The following MAPKAP1 variants were observed in gnomAD, a reference collection of about 807,000 sequenced individuals.
The protein encoded by MAPKAP1 is target of rapamycin complex 2 subunit MAPKAP1.
Under a neutral mutation model 65.7 loss-of-function variants are expected in MAPKAP1, and 20 were observed. The observed-to-expected ratio is 0.30, with a 90% CI of 0.21 to 0.44. MAPKAP1 has a LOEUF of 0.44. MAPKAP1 is among the 20% of genes least tolerant of loss of function. MAPKAP1 has a pLI of 1.00. For missense variants in MAPKAP1, 423 were observed against 648.0 expected, an observed-to-expected ratio of 0.65 and a Z score of 3.77; for synonymous variants, 222 against 244.3, an observed-to-expected ratio of 0.91 and a Z score of 0.85.
chr9:125,609,569 A>G (rs545161116), intron 4 of MAPKAP1, among the ~76,000 whole-genome samples: 1 of 151,866 alleles, frequency 6.6e-6, no homozygotes, highest in East Asian at 1.9e-4. Flanking sequence ...TTGGTCTTGA[A>G]CTCCCGAGCT....
chr9:125,616,363 A>T (rs1226491243), intron 4 of MAPKAP1, among the ~76,000 whole-genome samples: 1 of 152,210 alleles, frequency 6.6e-6, no homozygotes, highest in Non-Finnish European at 1.5e-5. Context: ...AATTCAATAC[A>T]TTAAAAACAA....
chr9:125,681,944 A>G (rs377133843), intron 1 of MAPKAP1, among the ~76,000 whole-genome samples: 3 of 152,242 alleles, frequency 2.0e-5, no homozygotes, highest in East Asian at 1.9e-4. Flanking sequence ...ATTTTTTTGT[A>G]GAGACAAGAG....
chr9:125,484,933 A>C (rs1854447236), intron 8 of MAPKAP1, among the ~76,000 whole-genome samples: 1 of 152,022 alleles, frequency 6.6e-6, no homozygotes, highest in African/African-American at 2.4e-5. Context: ...TTTTTTTCTA[A>C]ATGTGATTTT....
intron 9 of MAPKAP1, among the ~76,000 whole-genome samples, chr9:125,476,696 C>T (rs1291994081): frequency 1.3e-5 from 2 of 152,172 alleles, no homozygotes; most frequent in East Asian, 1.9e-4. Flanking sequence ...CTTAAGTTTG[C>T]ATGTTGTATA....
At position 125,585,432 on chromosome 9, in the gene MAPKAP1, A is replaced by G. The variant is rs1831751313; in HGVS notation, c.671+123T>C. ...GGCGCGAGACCTGGTGAGCACCCAG[A>G]GCTGGATCAGTGCAGAAGTGTGGTT... On this transcript the variant is annotated intron_variant, in intron 5 of 11. Coordinates refer to ENST00000265960, the MANE Select transcript of MAPKAP1 (RefSeq NM_001006617.3). 3.0e-6 allele frequency: 3 copies of G among 1,003,598 alleles called. No individual in the cohort carries two copies. In the Admixed American group the frequency reaches 6.8e-5, roughly 23 times the overall value. The allele number at this position is 1,003,598 out of a possible 1,614,324, so 62.2% of individuals were successfully genotyped here.
At chr9:125,445,437 T>G (rs906392147) in intron 10 of MAPKAP1, among the ~76,000 whole-genome samples, 11 of 152,230 alleles carry the variant, frequency 7.2e-5, no homozygotes, top group African/African-American at 2.4e-4. Flanking sequence ...ATGGGAAAGA[T>G]TTGCTGATCC....
At chr9:125,658,043 T>TA (rs1834082244) in intron 3 of MAPKAP1, among the ~76,000 whole-genome samples, 1 of 152,084 alleles carries the variant, frequency 6.6e-6, no homozygotes, top group Non-Finnish European at 1.5e-5. Flanking sequence ...TCAGACAAAG[T>TA]AACAAAGGAG....
At chr9:125,675,734 T>C (rs1268591850) in intron 1 of MAPKAP1, among the ~76,000 whole-genome samples, 1 of 152,180 alleles carries the variant, frequency 6.6e-6, no homozygotes, top group African/African-American at 2.4e-5. Context: ...ACAAAGGCTG[T>C]TATACATGGC....
chr9:125,663,381 C>T (rs1486662166), intron 3 of MAPKAP1, among the ~76,000 whole-genome samples: 1 of 152,184 alleles, frequency 6.6e-6, no homozygotes, highest in African/African-American at 2.4e-5. Flanking sequence ...TCCTTTAGAT[C>T]TCTACTCAAA....
chr9:125,630,235 C>G (rs1833240827), intron 4 of MAPKAP1, among the ~76,000 whole-genome samples: 1 of 152,212 alleles, frequency 6.6e-6, no homozygotes, highest in African/African-American at 2.4e-5. Context: ...AACCGATCCT[C>G]CTGCCTCAGC....
At chr9:125,609,851 C>T (rs1832548677) in intron 4 of MAPKAP1, among the ~76,000 whole-genome samples, 1 of 152,194 alleles carries the variant, frequency 6.6e-6, no homozygotes, top group Non-Finnish European at 1.5e-5. Flanking sequence ...AAATGGCTAC[C>T]ATTTACTCTG....
intron 1 of MAPKAP1, among the ~76,000 whole-genome samples, chr9:125,691,772 A>G (rs1835178005): frequency 6.6e-6 from 1 of 152,182 alleles, no homozygotes; most frequent in Non-Finnish European, 1.5e-5. Context: ...TACTTTCTTC[A>G]CTTTCCCCTC....
At chr9:125,458,781 C>T (rs1158073411) in intron 10 of MAPKAP1, among the ~76,000 whole-genome samples, 1 of 147,824 alleles carries the variant, frequency 6.8e-6, no homozygotes, top group Non-Finnish European at 1.5e-5. Context: ...CTTCACATCC[C>T]AGAAGGGGCG....
At position 125,483,012 on chromosome 9, in the gene MAPKAP1, C is replaced by A. The variant is rs567320492; in HGVS notation, c.1207+1431G>T. Among the ~76,000 whole-genome samples the A allele has an allele frequency of 3.3e-5, 5 of 152,282 alleles. No individual in the cohort carries two copies. In the South Asian group the frequency reaches 1.0e-3, roughly 32 times the overall value. On this transcript the variant is annotated intron_variant, in intron 9 of 11. Transcript: ENST00000265960. Reference sequence around the variant, plus strand: ...TCTGCATCATTTGCCGGTGGTGATACAGCTAATAAACGAGCAGGGTTTGTA... The same window carrying A: ...TCTGCATCATTTGCCGGTGGTGATAAAGCTAATAAACGAGCAGGGTTTGTA...
chr9:125,596,142 G>C (rs1438324316), intron 4 of MAPKAP1: 1 of 780,112 alleles, frequency 1.3e-6, no homozygotes, highest in East Asian at 2.4e-5. Context: ...CGACTCCGTG[G>C]ATAAGACTGT....
chr9:125,571,734 A>G (rs1831238088), intron 5 of MAPKAP1, among the ~76,000 whole-genome samples: 3 of 152,108 alleles, frequency 2.0e-5, no homozygotes, highest in Admixed American at 1.3e-4. Flanking sequence ...ATGGTGGTAC[A>G]TGCCTGTAAT....
At chr9:125,623,955 G>A (rs1454619066) in intron 4 of MAPKAP1, among the ~76,000 whole-genome samples, 2 of 39,026 alleles carry the variant, frequency 5.1e-5, no homozygotes, top group East Asian at 3.0e-3. Flanking sequence ...CCCCCCACCC[G>A]GCCAGCCGCC....
intron 4 of MAPKAP1, among the ~76,000 whole-genome samples, chr9:125,597,316 G>T (rs1564575449): frequency 7.0e-6 from 1 of 142,486 alleles, no homozygotes. Context: ...GCACATGTCT[G>T]TAGTCCCAGC....
chr9:125,678,352 C>G (rs529114261), intron 1 of MAPKAP1, among the ~76,000 whole-genome samples: 2 of 152,204 alleles, frequency 1.3e-5, no homozygotes, highest in Admixed American at 1.3e-4. Context: ...ACGCCACTCT[C>G]CTGCCTCAGC....
Sources: allele counts gnomAD v4.1 joint callset (sites outside exome capture counted in the v4.1 genomes callset), GRCh38; gene constraint gnomAD v4.1.1; transcripts MANE v1.5; gene names NCBI Gene and HGNC (gene_info 2026-07-23, HGNC 2026-07-21).